The following CADM2 variants were observed in gnomAD, a reference collection of about 807,000 sequenced individuals.
The protein encoded by CADM2 is immunoglobulin superfamily member 4D.
In CADM2, 12 loss-of-function variants were observed where a neutral mutation model predicts 49.8. That is an observed-to-expected ratio of 0.24 (90% CI 0.15 to 0.39). The LOEUF (loss-of-function observed/expected upper bound fraction) is 0.39. CADM2 is among the 10% of genes least tolerant of loss of function. The probability of loss-of-function intolerance (pLI) is 1.00; values close to 1 mark genes in which losing one functional copy is unlikely to be tolerated. For missense variants in CADM2, 378 were observed against 492.3 expected, an observed-to-expected ratio of 0.77 and a Z score of 2.20; for synonymous variants, 214 against 175.4, an observed-to-expected ratio of 1.22 and a Z score of -1.74.
chr3:86,032,555 A>G (rs1734681037), intron 8 of CADM2, among the ~76,000 whole-genome samples: 2 of 151,944 alleles, frequency 1.3e-5, no homozygotes, highest in Admixed American at 1.3e-4. Context: ...TCAATGAATT[A>G]TATAACTATC....
intron 1 of CADM2, among the ~76,000 whole-genome samples, chr3:85,572,015 G>A (rs1403544580): frequency 6.6e-6 from 1 of 152,164 alleles, no homozygotes; most frequent in African/African-American, 2.4e-5. Context: ...ACTTCATGTG[G>A]ACCAGGCATG....
At chr3:85,697,053 A>G (rs184642377) in intron 1 of CADM2, among the ~76,000 whole-genome samples, 19 of 149,866 alleles carry the variant, frequency 1.3e-4, no homozygotes, top group African/African-American at 3.4e-4. Flanking sequence ...CCATAGCACT[A>G]CCCTACTGTC....
intron 8 of CADM2, among the ~76,000 whole-genome samples, chr3:86,038,404 T>A (rs1036806024): frequency 8.5e-5 from 13 of 152,178 alleles, no homozygotes; most frequent in African/African-American, 3.1e-4. Context: ...TCTTGCTGAG[T>A]CAGTGACCCT....
At chr3:85,372,451 A>ATG (rs10685177) in intron 1 of CADM2, among the ~76,000 whole-genome samples, 121,235 of 147,506 alleles carry the variant, frequency 0.82, 53,331 homozygotes, top group Non-Finnish European at 0.96. Context: ...ATGTGTATAT[A>ATG]TGTATATATA....
At chr3:85,175,069 A>G (rs988876360) in intron 1 of CADM2, among the ~76,000 whole-genome samples, 12 of 152,172 alleles carry the variant, frequency 7.9e-5, no homozygotes, top group African/African-American at 2.4e-4. Flanking sequence ...CAAAACCACA[A>G]TGAGATAATA....
intron 1 of CADM2, among the ~76,000 whole-genome samples, chr3:85,624,898 A>C (rs1005516806): frequency 6.6e-6 from 1 of 152,122 alleles, no homozygotes; most frequent in Non-Finnish European, 1.5e-5. Flanking sequence ...ATGGAGATTT[A>C]ATTCATTTTA....
At chr3:85,292,530 TA>T (rs1318441000) in intron 1 of CADM2, among the ~76,000 whole-genome samples, 2 of 151,862 alleles carry the variant, frequency 1.3e-5, no homozygotes, top group African/African-American at 4.9e-5. Context: ...ATTGACCACA[TA>T]CTTGGAAGTA....
chr3:85,266,204 G>T (rs1466248279), intron 1 of CADM2, among the ~76,000 whole-genome samples: 1 of 151,786 alleles, frequency 6.6e-6, no homozygotes, highest in Non-Finnish European at 1.5e-5. Context: ...AAAAATATTT[G>T]CTATTTCCCA....
At chr3:85,553,222 T>TAATGATG (rs1182983871) in intron 1 of CADM2, among the ~76,000 whole-genome samples, 1 of 152,116 alleles carries the variant, frequency 6.6e-6, no homozygotes, top group Non-Finnish European at 1.5e-5. Context: ...CAAGAGTTAT[T>TAATGATG]AATGATGATA....
At chr3:85,985,767 A>T (rs1329191124) in intron 8 of CADM2, among the ~76,000 whole-genome samples, 1 of 150,858 alleles carries the variant, frequency 6.6e-6, no homozygotes, top group Admixed American at 6.6e-5. Flanking sequence ...ATTTGAAACC[A>T]TCTTAGTGAC....
intron 8 of CADM2, among the ~76,000 whole-genome samples, chr3:86,018,815 C>A (rs1409107190): frequency 6.6e-6 from 1 of 151,284 alleles, no homozygotes; most frequent in Non-Finnish European, 1.5e-5. Flanking sequence ...AATTTTCTCC[C>A]ATTTTGTAGG....
chr3:85,776,309 A>G lies in CADM2; in HGVS notation c.89-25738A>G, dbSNP rs2070357123. 2.0e-5 allele frequency among the ~76,000 whole-genome samples: 3 copies of G among 150,830 alleles called. No individual in the cohort carries two copies. In the South Asian group the frequency reaches 6.3e-4, roughly 32 times the overall value. On this transcript the variant is annotated intron_variant, in intron 2 of 9. Coordinates refer to ENST00000383699, the MANE Select transcript of CADM2 (RefSeq NM_001167675.2). Reference sequence around the variant, plus strand: ...TGAAAATTAAAACATTGTAAATCTTAAGGAAAATATGACACACAAACTCTC... The same window carrying G: ...TGAAAATTAAAACATTGTAAATCTTGAGGAAAATATGACACACAAACTCTC...
chr3:85,800,522 A>T (rs2071944985), intron 2 of CADM2: 1 of 152,864 alleles, frequency 6.5e-6, no homozygotes, highest in Non-Finnish European at 1.5e-5. Flanking sequence ...CTTGAGACTT[A>T]GGGCCCTTGT....
chr3:85,394,384 A>T (rs1283009227), intron 1 of CADM2, among the ~76,000 whole-genome samples: 1 of 152,186 alleles, frequency 6.6e-6, no homozygotes, highest in African/African-American at 2.4e-5. Flanking sequence ...ATGAAAACTT[A>T]TGCATTATAT....
intron 8 of CADM2, among the ~76,000 whole-genome samples, chr3:85,964,236 A>G (rs1725203564): frequency 6.6e-6 from 1 of 151,782 alleles, no homozygotes; most frequent in African/African-American, 2.4e-5. Flanking sequence ...TGAGAACTTT[A>G]CCCTTTTATC....
chr3:85,846,532 G>A (rs188360368), intron 3 of CADM2, among the ~76,000 whole-genome samples: 1 of 152,268 alleles, frequency 6.6e-6, no homozygotes, highest in African/African-American at 2.4e-5. Context: ...TGAGTTTTAA[G>A]GGTATGCAAA....
chr3:85,483,254 TTCCTTAA>T (rs1162659978), intron 1 of CADM2, among the ~76,000 whole-genome samples: 1 of 151,550 alleles, frequency 6.6e-6, no homozygotes. Context: ...AAACTCTGTA[TTCCTTAA>T]ACAATGTTAC....
chr3:86,000,678 C>T (rs1452732848), intron 8 of CADM2, among the ~76,000 whole-genome samples: 1 of 143,002 alleles, frequency 7.0e-6, no homozygotes, highest in Non-Finnish European at 1.5e-5. Flanking sequence ...CTGAGTGGAA[C>T]AGAAAGAAAA....
At chr3:85,989,941 A>T (rs6798987) in intron 8 of CADM2, among the ~76,000 whole-genome samples, 112 of 144,692 alleles carry the variant, frequency 7.7e-4, no homozygotes, top group African/African-American at 2.7e-3. Flanking sequence ...TGACCCGGGA[A>T]GGGGAGGTTA....
Sources: gnomAD v4.1 joint callset for allele counts (sites outside exome capture counted in the v4.1 genomes callset) on GRCh38, gnomAD v4.1.1 for gene constraint, MANE v1.5 for transcripts, NCBI Gene and HGNC (gene_info 2026-07-23, HGNC 2026-07-21) for gene names.